Variants in HAPLN1 observed in about 807,000 individuals in gnomAD.
HAPLN1 encodes the protein hyaluronan and proteoglycan link protein 1.
Under a neutral mutation model 36.5 loss-of-function variants are expected in HAPLN1, and 13 were observed. The ratio of observed to expected loss-of-function variants is 0.36; its 90% CI spans 0.23 to 0.57. The LOEUF (loss-of-function observed/expected upper bound fraction) is 0.57, where lower values mean the gene tolerates loss of function less well. Among genes scored for constraint, HAPLN1 ranks in the 20% least tolerant of loss-of-function variants. The pLI is 0.83. For synonymous variants in HAPLN1, 202 were observed against 169.8 expected, an observed-to-expected ratio of 1.19 and a Z score of -1.48; for missense variants, 407 against 439.7, an observed-to-expected ratio of 0.93 and a Z score of 0.66.
intron 2 of HAPLN1, among the ~76,000 whole-genome samples, chr5:83,662,748 A>C (rs528877898): frequency 6.6e-6 from 1 of 152,318 alleles, no homozygotes; most frequent in East Asian, 1.9e-4. Flanking sequence ...GATGTGGTAA[A>C]GGCATAGAGC....
At chr5:83,691,110 G>A (rs987723980) in intron 1 of HAPLN1, among the ~76,000 whole-genome samples, 1 of 152,016 alleles carries the variant, frequency 6.6e-6, no homozygotes, top group Non-Finnish European at 1.5e-5. Context: ...AAACAAATGA[G>A]GTGAGTCATA....
At chr5:83,662,566 T>C (rs1750434388) in intron 2 of HAPLN1, among the ~76,000 whole-genome samples, 1 of 152,220 alleles carries the variant, frequency 6.6e-6, no homozygotes, top group African/African-American at 2.4e-5. Context: ...AAAATTAGAA[T>C]ATTTTACTAA....
rs528493360 is a variant in HAPLN1, at chr5:83,683,901, T to C, written c.-26-10352A>G. ...GACTTCTAACAGTGTACATTCTCAG[T>C]AGGCAATTGTTTAAAAAACAGGGCC... On this transcript the variant is annotated intron_variant, in intron 1 of 4. Transcript: ENST00000274341. 4.6e-5 allele frequency among the ~76,000 whole-genome samples: 7 copies of C among 152,156 alleles called. No homozygotes were observed. The South Asian group carries it at 1.5e-3, about 32-fold the overall frequency.
At chr5:83,664,500 G>C (rs1424842690) in intron 2 of HAPLN1, among the ~76,000 whole-genome samples, 4 of 151,624 alleles carry the variant, frequency 2.6e-5, no homozygotes, top group African/African-American at 9.7e-5. Context: ...TTCCTGCTTC[G>C]GCCTTCCAAG....
At chr5:83,651,671 C>A (rs555337387) in intron 3 of HAPLN1, among the ~76,000 whole-genome samples, 2 of 132,424 alleles carry the variant, frequency 1.5e-5, no homozygotes, top group African/African-American at 6.0e-5. Context: ...GGAAAGCATT[C>A]TCTCAATGCT....
chr5:83,715,957 G>A (rs1751904875), intron 1 of HAPLN1, among the ~76,000 whole-genome samples: 1 of 152,144 alleles, frequency 6.6e-6, no homozygotes, highest in Non-Finnish European at 1.5e-5. Flanking sequence ...ATTTTAGAAT[G>A]GATTTTCATA....
chr5:83,645,475 C>CTTTTTTTTTTTCT (rs1749838359), intron 3 of HAPLN1, among the ~76,000 whole-genome samples: 1 of 74,370 alleles, frequency 1.3e-5, no homozygotes, highest in Non-Finnish European at 2.5e-5. Flanking sequence ...CTTTTTCTTT[C>CTTTTTTTTTTTCT]TTTTTTTTTT....
chr5:83,660,543 G>C (rs1240981447), intron 2 of HAPLN1, among the ~76,000 whole-genome samples: 1 of 152,058 alleles, frequency 6.6e-6, no homozygotes, highest in Non-Finnish European at 1.5e-5. Flanking sequence ...AAAAATCACT[G>C]TTCTGAGATG....
intron 1 of HAPLN1, among the ~76,000 whole-genome samples, chr5:83,686,192 C>CCGATCTCAT (rs959376910): frequency 5.5e-5 from 8 of 145,898 alleles, no homozygotes; most frequent in Non-Finnish European, 9.0e-5. Context: ...GGTCAAATTA[C>CCGATCTCAT]CGATCTCATT....
At chr5:83,657,542 C>T (rs961772159) in intron 2 of HAPLN1, among the ~76,000 whole-genome samples, 2 of 152,100 alleles carry the variant, frequency 1.3e-5, no homozygotes, top group Admixed American at 6.5e-5. Context: ...GGGGCTTCCT[C>T]GCTCCTCTCT....
intron 2 of HAPLN1, among the ~76,000 whole-genome samples, chr5:83,667,462 CTATA>C (rs1382118183): frequency 6.6e-6 from 1 of 151,670 alleles, no homozygotes; most frequent in Non-Finnish European, 1.5e-5. Context: ...GAATTATTAA[CTATA>C]TATATATAAG....
At position 83,700,023 on chromosome 5, in the gene HAPLN1, G is replaced by A. The variant is rs147066404; in HGVS notation, c.-27+20766C>T. Among the ~76,000 whole-genome samples, 658 of 151,970 alleles carry A rather than the reference G, an allele frequency of 4.3e-3. 2 individuals are homozygous for A. The highest frequency in any genetic ancestry group is 7.9e-3 in the South Asian group (38 of 4,804). ...ATCCTGGCCAACATGGTGAAAACCC[G>A]TCTCTACTAAAAATACAAAAATTAG... On this transcript the variant is annotated intron_variant, in intron 1 of 4. Coordinates refer to ENST00000274341, the MANE Select transcript of HAPLN1 (RefSeq NM_001884.4).
intron 2 of HAPLN1, among the ~76,000 whole-genome samples, chr5:83,667,305 T>A (rs1750579309): frequency 6.6e-6 from 1 of 152,164 alleles, no homozygotes; most frequent in Non-Finnish European, 1.5e-5. Context: ...TTTAATGCTG[T>A]GTGTTCTTAT....
intron 4 of HAPLN1, 34 bp from the exon 5 acceptor site, chr5:83,641,819 G>T: frequency 6.3e-7 from 1 of 1,594,074 alleles, no homozygotes; most frequent in Non-Finnish European, 8.6e-7. Flanking sequence ...CAATGGGCTG[G>T]TCTTCAATTG....
At chr5:83,657,212 C>G (rs1750244511) in intron 2 of HAPLN1, among the ~76,000 whole-genome samples, 1 of 151,968 alleles carries the variant, frequency 6.6e-6, no homozygotes, top group Non-Finnish European at 1.5e-5. Flanking sequence ...TCTCCTGCCT[C>G]AGCCTCCCGA....
Position 83,700,765 on chromosome 5 carries a change from C to T in HAPLN1, c.-27+20024G>A, listed in dbSNP as rs534114712. On this transcript the variant is annotated intron_variant, in intron 1 of 4. Coordinates refer to ENST00000274341, the MANE Select transcript of HAPLN1 (RefSeq NM_001884.4). ...TCAGTTTAAGGGTGCAGATAGTCAA[C>T]GATGGCACAAGGCTCCTCTCATTCT... 3.5e-3 allele frequency among the ~76,000 whole-genome samples: 530 copies of T among 151,596 alleles called. 2 individuals carry two copies. Among genetic ancestry groups the T allele is most frequent in the Non-Finnish European group, 5.1e-3 (344 of 67,934 alleles).
At chr5:83,655,380 T>C (rs1234936392) in intron 2 of HAPLN1, among the ~76,000 whole-genome samples, 1 of 152,202 alleles carries the variant, frequency 6.6e-6, no homozygotes, top group African/African-American at 2.4e-5. Flanking sequence ...TACTCCAGCA[T>C]TGTGAATAGA....
At chr5:83,690,425 AG>A (rs1177998154) in intron 1 of HAPLN1, among the ~76,000 whole-genome samples, 1 of 152,102 alleles carries the variant, frequency 6.6e-6, no homozygotes, top group Non-Finnish European at 1.5e-5. Flanking sequence ...GAAGTGGCAC[AG>A]AATTAGCTGT....
In HAPLN1 at chr5:83,640,624, G is replaced by A. The variant is rs914392204; in HGVS notation, c.*872C>T. 6.6e-6 allele frequency: 1 copy of A among 152,200 alleles called. No individual in the cohort carries two copies. The highest frequency in any genetic ancestry group is 2.4e-5 in the African/African-American group (1 of 41,538). 9.4% of individuals were successfully genotyped at this position (152,200 alleles called of 1,614,324 possible). On this transcript the variant is annotated 3_prime_UTR_variant, in exon 5 of 5. Coordinates refer to ENST00000274341, the MANE Select transcript of HAPLN1 (RefSeq NM_001884.4). ...TCATAGGCTAACAGAAAATCAAGCT[G>A]CTAAATTTTACAATTTTTCTGTCCA...
Sources: gnomAD v4.1 joint callset for allele counts (sites outside exome capture counted in the v4.1 genomes callset) on GRCh38, gnomAD v4.1.1 for gene constraint, MANE v1.5 for transcripts, NCBI Gene and HGNC (gene_info 2026-07-23, HGNC 2026-07-21) for gene names.